Variants in C7orf33 observed in about 807,000 individuals in gnomAD.
C7orf33 encodes the protein chromosome 7 open reading frame 33.
C7orf33 carries 15 observed loss-of-function variants against 13.4 expected under a neutral mutation model. The observed-to-expected ratio is 1.12, with a 90% CI of 0.75 to 1.72. The LOEUF is 1.72. Ranked by LOEUF, C7orf33 falls within the 40% of genes most tolerant of loss-of-function variation. The probability of loss-of-function intolerance (pLI) is 0.00; values close to 1 mark genes in which losing one functional copy is unlikely to be tolerated. For missense variants in C7orf33, 187 were observed against 220.3 expected, an observed-to-expected ratio of 0.85 and a Z score of 0.96; for synonymous variants, 73 against 83.2, an observed-to-expected ratio of 0.88 and a Z score of 0.67.
intron 1 of C7orf33, among the ~76,000 whole-genome samples, chr7:148,595,671 GATATAATATAGATC>G (rs1563120455): frequency 2.1e-5 from 2 of 96,672 alleles, no homozygotes; most frequent in Middle Eastern, 6.6e-3. Context: ...ATATTATATA[GATATAATATAGATC>G]TATATTATAT....
chr7:148,601,963 G>A (rs999903696), intron 1 of C7orf33, among the ~76,000 whole-genome samples: 10 of 151,658 alleles, frequency 6.6e-5, no homozygotes, highest in African/African-American at 1.9e-4. Context: ...TACCCAAACT[G>A]GTCTCAAACT....
intron 1 of C7orf33, among the ~76,000 whole-genome samples, chr7:148,597,134 A>C (rs1796349206): frequency 1.3e-5 from 2 of 151,758 alleles, no homozygotes; most frequent in Admixed American, 1.3e-4. Context: ...ATCTGTGTGG[A>C]TATTTTGTGA....
In C7orf33 at chr7:148,615,545, C is replaced by A; in HGVS notation, c.*144C>A. The A allele has an allele frequency of 1.8e-6, 1 of 567,890 alleles. No homozygotes were observed. The allele number at this position is 567,890 out of a possible 1,614,324, so 35.2% of individuals were successfully genotyped here. A position where few individuals can be genotyped will look rare whatever the true frequency, so the allele number is the denominator to read the frequency against. ...AATCTGAAGTCTGAACTTTGAACAC[C>A]AGCAGACAGGCTGAGAATTCTCTTT... On this transcript the variant is annotated 3_prime_UTR_variant, in exon 3 of 3. Coordinates refer to ENST00000307003, the MANE Select transcript of C7orf33 (RefSeq NM_145304.4).
At chr7:148,611,447 C>G (rs140716643) in intron 1 of C7orf33, among the ~76,000 whole-genome samples, 1 of 152,134 alleles carries the variant, frequency 6.6e-6, no homozygotes, top group Non-Finnish European at 1.5e-5. Context: ...GTCTTGATGC[C>G]GAGGGAAGGT....
chr7:148,591,268 G>C, intron 1 of C7orf33, 139 bp downstream of exon 1: 1 of 730,474 alleles, frequency 1.4e-6, no homozygotes, highest in South Asian at 1.6e-5. Context: ...TTGAAGTAAA[G>C]AGAGAGACAG....
rs773484418 is a variant in C7orf33 at position 148,614,306 on chromosome 7, G to A, written c.459+10G>A. On this transcript the variant is annotated intron_variant, in intron 2 of 2. Transcript: ENST00000307003. ...AAGTTCATACCTAAACGTAAGCTCC[G>A]AAGTGTCTTAGCACCTCCAAGTTTA... The A allele has an allele frequency of 2.4e-5, 38 of 1,612,764 alleles. No homozygotes were observed. The highest frequency in any genetic ancestry group is 8.9e-5 in the East Asian group (4 of 44,880).
intron 1 of C7orf33, among the ~76,000 whole-genome samples, chr7:148,603,936 C>T (rs1001304010): frequency 6.6e-6 from 1 of 152,106 alleles, no homozygotes; most frequent in Non-Finnish European, 1.5e-5. Flanking sequence ...GAAAAAGATA[C>T]TTTCACACAC....
chr7:148,613,088 A>C (rs1039083677), intron 1 of C7orf33, among the ~76,000 whole-genome samples: 5 of 152,048 alleles, frequency 3.3e-5, no homozygotes, highest in Non-Finnish European at 7.4e-5. Context: ...AGCAGAACTC[A>C]TTTCTTCTAT....
At chr7:148,610,413 T>C (rs985997527) in intron 1 of C7orf33, among the ~76,000 whole-genome samples, 1 of 152,112 alleles carries the variant, frequency 6.6e-6, no homozygotes, top group Non-Finnish European at 1.5e-5. Context: ...AGCCTACCTC[T>C]TTCTCCCGTG....
At chr7:148,596,006 AT>A (rs1270778214) in intron 1 of C7orf33, among the ~76,000 whole-genome samples, 5 of 151,236 alleles carry the variant, frequency 3.3e-5, no homozygotes, top group East Asian at 1.9e-4. Flanking sequence ...GTGCAATTAA[AT>A]TTTTTTTTCA....
intron 1 of C7orf33, among the ~76,000 whole-genome samples, chr7:148,609,299 ACATT>A (rs1475444617): frequency 6.6e-6 from 1 of 152,188 alleles, no homozygotes; most frequent in Non-Finnish European, 1.5e-5. Flanking sequence ...GCTAGTCTAA[ACATT>A]CATAGAGCTC....
chr7:148,600,242 G>A (rs1796396602), intron 1 of C7orf33, among the ~76,000 whole-genome samples: 2 of 152,174 alleles, frequency 1.3e-5, no homozygotes, highest in African/African-American at 2.4e-5. Flanking sequence ...GCCAAGGTGG[G>A]CAGATCACTT....
intron 1 of C7orf33, among the ~76,000 whole-genome samples, chr7:148,591,377 T>C (rs1304483486): frequency 6.6e-6 from 1 of 152,178 alleles, no homozygotes; most frequent in South Asian, 2.1e-4. Flanking sequence ...GCCTGAGTCA[T>C]GTTGATTTGA....
At chr7:148,608,493 C>T (rs184658239) in intron 1 of C7orf33, among the ~76,000 whole-genome samples, 45 of 152,036 alleles carry the variant, frequency 3.0e-4, no homozygotes, top group African/African-American at 9.4e-4. Context: ...AATAATCACT[C>T]GACATGGACT....
At chr7:148,598,856 T>A (rs529207728) in intron 1 of C7orf33, among the ~76,000 whole-genome samples, 40 of 149,594 alleles carry the variant, frequency 2.7e-4, no homozygotes, top group East Asian at 3.9e-4. Context: ...TATCTTTTTT[T>A]AATTTTATTT....
chr7:148,595,746 A>C (rs1796332400), intron 1 of C7orf33, among the ~76,000 whole-genome samples: 1 of 141,748 alleles, frequency 7.1e-6, no homozygotes, highest in African/African-American at 2.7e-5. Flanking sequence ...TGTTATATAG[A>C]TATAATATAT....
chr7:148,595,303 A>C (rs554964346), intron 1 of C7orf33, among the ~76,000 whole-genome samples: 1 of 140,608 alleles, frequency 7.1e-6, no homozygotes, highest in South Asian at 2.1e-4. Flanking sequence ...TTATATAGAT[A>C]TATAATATAT....
intron 1 of C7orf33, among the ~76,000 whole-genome samples, chr7:148,600,379 G>A (rs1246597909): frequency 6.6e-6 from 1 of 152,202 alleles, no homozygotes; most frequent in African/African-American, 2.4e-5. Flanking sequence ...GCTGAGGCAG[G>A]AGAATCACTT....
Position 148,590,910 on chromosome 7 carries a change from A to C in C7orf33, c.-16A>C. 1 of 1,612,670 alleles carries C rather than the reference A, an allele frequency of 6.2e-7. No individual in the cohort carries two copies. Among genetic ancestry groups the C allele is most frequent in the East Asian group, 2.2e-5 (1 of 44,868 alleles). On this transcript the variant is annotated 5_prime_UTR_variant, in exon 1 of 3. Transcript: ENST00000307003. ...CTCCTTGACAGCATCCAGGAAAGGTAATTACCTTTGCCAAAATGCAAGTGG... is the reference window on the plus strand; with the variant it reads ...CTCCTTGACAGCATCCAGGAAAGGTCATTACCTTTGCCAAAATGCAAGTGG...
Sources: gnomAD v4.1 joint callset for allele counts (sites outside exome capture counted in the v4.1 genomes callset) on GRCh38, gnomAD v4.1.1 for gene constraint, MANE v1.5 for transcripts, NCBI Gene and HGNC (gene_info 2026-07-23, HGNC 2026-07-21) for gene names.